The following ANKHD1 variants were observed in gnomAD, a reference collection of about 807,000 sequenced individuals.
The protein encoded by ANKHD1 is ankyrin repeat and KH domain-containing protein 1.
ANKHD1 carries 31 observed loss-of-function variants against 230.5 expected under a neutral mutation model. That is an observed-to-expected ratio of 0.13 (90% CI 0.10 to 0.18). ANKHD1 has a LOEUF of 0.18. Ranked by LOEUF, ANKHD1 falls within the 10% of genes least tolerant of loss-of-function variation. ANKHD1 has a pLI of 1.00. For synonymous variants in ANKHD1, 1,074 were observed against 1,117.6 expected (o/e 0.96, Z 0.78); for missense variants, 2,256 against 3,071.3 (o/e 0.73, Z 6.27).
rs1751791724 is a variant in ANKHD1, at chr5:140,491,239, C to G, written c.2245+4179C>G. 2.1e-5 allele frequency among the ~76,000 whole-genome samples: 3 copies of G among 142,482 alleles called. No homozygotes were observed. The Admixed American group carries it at 2.2e-4, about 10-fold the overall frequency. 93.5% of individuals were successfully genotyped at this position (142,482 alleles called of 152,430 possible). A position where few individuals can be genotyped will look rare whatever the true frequency, so the allele number is the denominator to read the frequency against. ...AGTACAGTGGCGCAGTCTCAGCTCA[C>G]TGCAGCCCCAACCTCCGAGGTTCAA... On this transcript the variant is annotated intron_variant, in intron 14 of 33. Transcript: ENST00000360839.
At chr5:140,419,057 A>G (rs1003331852) in intron 1 of ANKHD1, among the ~76,000 whole-genome samples, 2 of 152,082 alleles carry the variant, frequency 1.3e-5, no homozygotes, top group South Asian at 2.1e-4. Context: ...CAGCTGTACT[A>G]TTTAACATTC....
chr5:140,505,710 A>T lies in ANKHD1; in HGVS notation c.3263-14A>T, dbSNP rs1321565940. The T allele has an allele frequency of 1.3e-6, 2 of 1,576,132 alleles. No individual in the cohort carries two copies. ...AAACATAAATTTGTTTAAGATTTTC[A>T]TTTTCTGATTTAGGTTTCACACCAC... On this transcript the variant is annotated splice_polypyrimidine_tract_variant and intron_variant, in intron 17 of 33. Transcript: ENST00000360839.
chr5:140,407,055 G>T (rs1770521918), intron 1 of ANKHD1, among the ~76,000 whole-genome samples: 1 of 152,054 alleles, frequency 6.6e-6, no homozygotes, highest in East Asian at 1.9e-4. Flanking sequence ...CCAGCACTTT[G>T]GGAGGCCGAG....
chr5:140,479,783 T>A (rs967999917), intron 10 of ANKHD1, among the ~76,000 whole-genome samples: 1 of 149,856 alleles, frequency 6.7e-6, no homozygotes, highest in African/African-American at 2.4e-5. Flanking sequence ...CGTATATATG[T>A]GTGTGTGTAT....
intron 10 of ANKHD1, among the ~76,000 whole-genome samples, chr5:140,468,661 CTG>C (rs890191793): frequency 7.9e-5 from 12 of 152,252 alleles, no homozygotes; most frequent in Admixed American, 2.6e-4. Flanking sequence ...CTAGACATTT[CTG>C]TATACCCAAA....
At chr5:140,500,024 A>G (rs1752215047) in intron 15 of ANKHD1, among the ~76,000 whole-genome samples, 1 of 151,952 alleles carries the variant, frequency 6.6e-6, no homozygotes, top group South Asian at 2.1e-4. Context: ...ACCTGCCACC[A>G]CACCCAGCTA....
At chr5:140,419,454 CTTTTTTTTTT>C (rs144115557) in intron 1 of ANKHD1, among the ~76,000 whole-genome samples, 27,339 of 131,694 alleles carry the variant, frequency 0.21, 3,015 homozygotes, top group East Asian at 0.31. Context: ...TTCTTTCTTT[CTTTTTTTTTT>C]TTTTTTTTTG....
chr5:140,523,627 C>T (rs1168159811), intron 24 of ANKHD1, among the ~76,000 whole-genome samples: 1 of 150,160 alleles, frequency 6.7e-6, no homozygotes, highest in Non-Finnish European at 1.5e-5. Context: ...GTGCCATGAT[C>T]TCGGCTCATT....
chr5:140,512,995 A>ACTTGTT, intron 23 of ANKHD1, 72 bp downstream of exon 23: 1 of 1,411,174 alleles, frequency 7.1e-7, no homozygotes, highest in South Asian at 1.4e-5. Flanking sequence ...GCAGTTAGGA[A>ACTTGTT]CTTGTTCTTT....
At chr5:140,516,584 A>G (rs373044354) in intron 24 of ANKHD1, among the ~76,000 whole-genome samples, 4 of 152,106 alleles carry the variant, frequency 2.6e-5, no homozygotes, top group African/African-American at 9.7e-5. Context: ...GACTAACAGC[A>G]GATCTCTCGG....
At chr5:140,499,183 A>G (rs1358789621) in intron 15 of ANKHD1, among the ~76,000 whole-genome samples, 1 of 151,878 alleles carries the variant, frequency 6.6e-6, no homozygotes, top group East Asian at 1.9e-4. Context: ...CAGTAATTAT[A>G]TTTTCTTTAT....
intron 22 of ANKHD1, among the ~76,000 whole-genome samples, chr5:140,511,136 A>C (rs768896970): frequency 1.1e-4 from 16 of 152,122 alleles, no homozygotes; most frequent in Non-Finnish European, 2.1e-4. Context: ...ATTAAAGTTC[A>C]TGCCCGGCCT....
chr5:140,403,687 T>C (rs1770181292), intron 1 of ANKHD1, among the ~76,000 whole-genome samples: 1 of 152,212 alleles, frequency 6.6e-6, no homozygotes, highest in African/African-American at 2.4e-5. Flanking sequence ...CTTTTTTCTG[T>C]TGACTGTGGC....
rs762394740 is a variant in ANKHD1 at position 140,464,737 on chromosome 5, G to A, written c.1743G>A (p.Thr581=). Residue 581 remains threonine, a synonymous_variant, in exon 10 of 34, where the codon ACG becomes ACA. Transcript: ENST00000360839. ...CCTATGCTTGTGAAAATGGACATAC[G>A]GATGTTGCAGATGTTTTACTTCAAG... ...ALTYACENGH[T]DVADVLLQAG... is the part of the protein sequence containing the mutation. 40 of 1,608,514 alleles carry A rather than the reference G, an allele frequency of 2.5e-5. No homozygotes were observed. In the South Asian group the frequency reaches 2.9e-4, roughly 12 times the overall value.
intron 24 of ANKHD1, among the ~76,000 whole-genome samples, chr5:140,523,518 G>C (rs1753458258): frequency 6.7e-6 from 1 of 149,736 alleles, no homozygotes; most frequent in South Asian, 2.1e-4. Context: ...CTTACCAGTT[G>C]TATGATTTGC....
Position 140,485,370 on chromosome 5 carries a change from A to C in ANKHD1, c.1998+122A>C. 1 of 1,368,112 alleles carries C rather than the reference A, an allele frequency of 7.3e-7. No individual in the cohort carries two copies. Among genetic ancestry groups the C allele is most frequent in the Non-Finnish European group, 9.5e-7 (1 of 1,049,384 alleles). 84.7% of individuals were successfully genotyped at this position (1,368,112 alleles called of 1,614,324 possible). ...CCAGGAGTTTGAGACTAGTCTAGGC[A>C]ACATAAGGAGACCCCATCTCTATTA... On this transcript the variant is annotated intron_variant, in intron 12 of 33. Coordinates refer to ENST00000360839, the MANE Select transcript of ANKHD1 (RefSeq NM_017747.3). This position sits in a 1 kb window ranked among gnomAD's most constrained non-coding sequence, Gnocchi z 4.8.
At chr5:140,472,070 T>C (rs1776533155) in intron 10 of ANKHD1, among the ~76,000 whole-genome samples, 1 of 152,140 alleles carries the variant, frequency 6.6e-6, no homozygotes, top group Non-Finnish European at 1.5e-5. Flanking sequence ...TTAAAAAAAT[T>C]TATACTCTGC....
intron 10 of ANKHD1, among the ~76,000 whole-genome samples, chr5:140,477,403 G>A (rs1177124629): frequency 6.6e-6 from 1 of 151,996 alleles, no homozygotes; most frequent in Non-Finnish European, 1.5e-5. Flanking sequence ...CATAAAGCTA[G>A]CATTCTGTTT....
At chr5:140,474,319 A>T (rs988634330) in intron 10 of ANKHD1, among the ~76,000 whole-genome samples, 3 of 152,124 alleles carry the variant, frequency 2.0e-5, no homozygotes, top group African/African-American at 7.2e-5. Flanking sequence ...TCTAGTACGT[A>T]CAGTATCAAA....
Sources: allele counts gnomAD v4.1 joint callset (sites outside exome capture counted in the v4.1 genomes callset), GRCh38; gene constraint gnomAD v4.1.1; non-coding constraint Gnocchi (gnomAD v3.1); transcripts MANE v1.5; gene names NCBI Gene and HGNC (gene_info 2026-07-23, HGNC 2026-07-21).